The following SNTB2 variants were observed in gnomAD, a reference collection of about 807,000 sequenced individuals.
SNTB2 encodes the protein beta-2-syntrophin.
Under a neutral mutation model 46.2 loss-of-function variants are expected in SNTB2, and 34 were observed. The ratio of observed to expected loss-of-function variants is 0.74; its 90% confidence interval spans 0.56 to 0.98. The LOEUF is 0.98. SNTB2 is among the 50% of genes least tolerant of loss of function. The pLI, the probability that SNTB2 is intolerant of heterozygous loss-of-function variation, is 0.00. For missense variants in SNTB2, 603 were observed against 731.4 expected, an observed-to-expected ratio of 0.82 and a Z score of 2.02; for synonymous variants, 290 against 312.6, an observed-to-expected ratio of 0.93 and a Z score of 0.76.
chr16:69,269,635 A>G (rs1195583602), intron 3 of SNTB2, among the ~76,000 whole-genome samples: 1 of 152,204 alleles, frequency 6.6e-6, no homozygotes, highest in Non-Finnish European at 1.5e-5. Flanking sequence ...TGTAAACTCT[A>G]TTATTGTAAG....
intron 5 of SNTB2, among the ~76,000 whole-genome samples, chr16:69,285,417 T>A (rs1965093202): frequency 6.7e-6 from 1 of 149,574 alleles, no homozygotes; most frequent in Admixed American, 6.7e-5. Flanking sequence ...TCCAGTGGCA[T>A]GATCCATCAT....
Position 69,260,045 on chromosome 16 carries a change from C to A in SNTB2, c.795-5C>A. 1 of 1,607,210 alleles carries A rather than the reference C, an allele frequency of 6.2e-7. No individual in the cohort carries two copies. Among genetic ancestry groups the A allele is most frequent in the Admixed American group, 1.7e-5 (1 of 59,322 alleles). ...TCACTTTTTTTTTTTTCTTTTTCCA[C>A]ACAGATTGATAGAGCTACATTCTCC... is the stretch of plus-strand genomic sequence containing the variant. On this transcript the variant is annotated splice_polypyrimidine_tract_variant and splice_region_variant and intron_variant, in intron 2 of 6. Coordinates refer to ENST00000336278, the MANE Select transcript of SNTB2 (RefSeq NM_006750.4).
chr16:69,275,825 C>A (rs1001405061), intron 4 of SNTB2, among the ~76,000 whole-genome samples: 1 of 152,020 alleles, frequency 6.6e-6, no homozygotes, highest in African/African-American at 2.4e-5. Flanking sequence ...AATTAAGGAC[C>A]TTTATTATGT....
chr16:69,299,012 T>C (rs1055441827), intron 5 of SNTB2, among the ~76,000 whole-genome samples: 2 of 152,182 alleles, frequency 1.3e-5, no homozygotes, highest in African/African-American at 4.8e-5. Flanking sequence ...CTTACTTCTC[T>C]AGTGCCTTGC....
chr16:69,225,201 G>C (rs747672671), intron 1 of SNTB2, among the ~76,000 whole-genome samples: 1 of 152,212 alleles, frequency 6.6e-6, no homozygotes, highest in South Asian at 2.1e-4. Context: ...GAAACTTGGA[G>C]GACTTTCTTG....
intron 3 of SNTB2, among the ~76,000 whole-genome samples, chr16:69,269,266 C>T (rs1323312022): frequency 3.3e-5 from 5 of 152,050 alleles, no homozygotes; most frequent in African/African-American, 1.2e-4. Flanking sequence ...TGCCTGTAAT[C>T]CTAGCACTTT....
At chr16:69,204,746 A>G (rs571638971) in intron 1 of SNTB2, among the ~76,000 whole-genome samples, 3 of 152,338 alleles carry the variant, frequency 2.0e-5, no homozygotes, top group African/African-American at 7.2e-5. Context: ...TTGCCCCTTC[A>G]GTACCATCTA....
At chr16:69,273,242 G>A (rs1275715019) in intron 4 of SNTB2, among the ~76,000 whole-genome samples, 2 of 152,178 alleles carry the variant, frequency 1.3e-5, no homozygotes, top group African/African-American at 2.4e-5. Context: ...TTATGCCTAA[G>A]AGTAACGAAA....
At chr16:69,212,929 A>G (rs1050290662) in intron 1 of SNTB2, among the ~76,000 whole-genome samples, 19 of 152,218 alleles carry the variant, frequency 1.2e-4, no homozygotes, top group Admixed American at 2.6e-4. Context: ...CACCTTGCCC[A>G]GCCTATGTTA....
Position 69,300,927 on chromosome 16 carries a change from A to C in SNTB2, c.*3A>C. The C allele has an allele frequency of 1.9e-6, 3 of 1,591,084 alleles. 1 individual carries two copies. The South Asian group carries it at 3.3e-5, about 18-fold the overall frequency. The stretch of plus-strand genomic sequence containing the variant: ...CTCGTATGGGACTGCTTGTATGAGC[A>C]ACAAAAAATCAGAAAAGAGCCTTGA... On this transcript the variant is annotated 3_prime_UTR_variant, in exon 7 of 7. Coordinates refer to ENST00000336278, the MANE Select transcript of SNTB2 (RefSeq NM_006750.4).
intron 1 of SNTB2, among the ~76,000 whole-genome samples, chr16:69,211,718 G>A (rs1964289259): frequency 6.6e-6 from 1 of 152,290 alleles, no homozygotes; most frequent in South Asian, 2.1e-4. Context: ...CTTTACTAGA[G>A]TATGTGTTAT....
In SNTB2 at chr16:69,300,857, A is replaced by G. The variant is rs746723039; in HGVS notation, c.1556A>G (p.Lys519Arg). The G allele has an allele frequency of 6.2e-7, 1 of 1,613,908 alleles. No homozygotes were observed. The highest frequency in any genetic ancestry group is 1.7e-5 in the Admixed American group (1 of 60,004). The change falls in exon 7 of 7, where the codon AAG (lysine) becomes AGG (arginine). Residue 519 changes from lysine (K) to arginine (R), a missense_variant. Lys to Arg is a conservative substitution (Grantham distance 26, BLOSUM62 2). Coordinates refer to ENST00000336278, the MANE Select transcript of SNTB2 (RefSeq NM_006750.4). ...ELTMDLHSCPKPIVFVLHTFL... is the reference protein window; with the variant it reads ...ELTMDLHSCPRPIVFVLHTFL... ...ACCATGGACCTGCACTCTTGTCCGA[A>G]GCCGATTGTATTTGTGTTGCACACG...
chr16:69,195,736 T>G (rs1256389676), intron 1 of SNTB2, among the ~76,000 whole-genome samples: 1 of 152,148 alleles, frequency 6.6e-6, no homozygotes, highest in Non-Finnish European at 1.5e-5. Flanking sequence ...CCACTCACAT[T>G]ATCAGTTTGG....
At chr16:69,286,437 A>C (rs1399079578) in intron 5 of SNTB2, among the ~76,000 whole-genome samples, 4 of 152,190 alleles carry the variant, frequency 2.6e-5, no homozygotes, top group African/African-American at 9.7e-5. Context: ...TAATCCCTGC[A>C]CTTTGGAAGG....
rs566860092 is a variant in SNTB2 at position 69,207,194 on chromosome 16, G to A, written c.580+19448G>A. Among the ~76,000 whole-genome samples, 419 of 126,052 alleles carry A rather than the reference G, an allele frequency of 3.3e-3. 4 individuals carry two copies. Among genetic ancestry groups the A allele is most frequent in the African/African-American group, 0.012 (386 of 31,402 alleles). 82.7% of individuals were successfully genotyped at this position (126,052 alleles called of 152,430 possible). A position where few individuals can be genotyped will look rare whatever the true frequency, so the allele number is the denominator to read the frequency against. ...TTGAGAGATGGTGTCTTGCTCTGTC[G>A]TTCAGGCTGGAGTGCAGTGGCGCAA... On this transcript the variant is annotated intron_variant, in intron 1 of 6. Transcript: ENST00000336278.
At chr16:69,293,368 G>A (rs1442375375) in intron 5 of SNTB2, among the ~76,000 whole-genome samples, 1 of 152,148 alleles carries the variant, frequency 6.6e-6, no homozygotes, top group East Asian at 1.9e-4. Context: ...CTATAAAGAA[G>A]AATAGAGAAA....
At chr16:69,226,602 T>C (rs1225129486) in intron 1 of SNTB2, among the ~76,000 whole-genome samples, 1 of 152,220 alleles carries the variant, frequency 6.6e-6, no homozygotes, top group Non-Finnish European at 1.5e-5. Context: ...GGATTGTGGC[T>C]CACTGCAGCC....
intron 1 of SNTB2, among the ~76,000 whole-genome samples, chr16:69,222,453 C>T (rs1322687851): frequency 6.6e-6 from 1 of 151,736 alleles, no homozygotes; most frequent in African/African-American, 2.4e-5. Flanking sequence ...ATTGGTTGGG[C>T]GTGGTGGTGT....
At chr16:69,239,025 C>T (rs1360192639) in intron 1 of SNTB2, among the ~76,000 whole-genome samples, 5 of 152,236 alleles carry the variant, frequency 3.3e-5, no homozygotes, top group African/African-American at 1.2e-4. Flanking sequence ...ACTACTCTGT[C>T]CCCCTCACTT....
Sources: allele counts gnomAD v4.1 joint callset (sites outside exome capture counted in the v4.1 genomes callset), GRCh38; gene constraint gnomAD v4.1.1; transcripts MANE v1.5; gene names NCBI Gene and HGNC (gene_info 2026-07-23, HGNC 2026-07-21).